The following ADCY10 variants were observed in gnomAD, a reference collection of about 807,000 sequenced individuals.
ADCY10 encodes adenylate cyclase type 10.
In ADCY10, 156 loss-of-function variants were observed where a neutral mutation model predicts 183.3. The observed-to-expected ratio is 0.85, with a 90% CI of 0.75 to 0.97. The LOEUF (loss-of-function observed/expected upper bound fraction) is 0.97, where lower values mean the gene tolerates loss of function less well. Among genes scored for constraint, ADCY10 ranks in the 50% least tolerant of loss-of-function variants. ADCY10 has a pLI of 0.00. For synonymous variants in ADCY10, 645 were observed against 670.0 expected (o/e 0.96, Z 0.58); for missense variants, 1,745 against 1,934.3 (o/e 0.90, Z 1.84).
intron 11 of ADCY10, among the ~76,000 whole-genome samples, 186 bp from the exon 12 acceptor site, chr1:167,878,821 A>T (rs1362596240): frequency 6.6e-6 from 1 of 152,234 alleles, no homozygotes; most frequent in African/African-American, 2.4e-5. Context: ...GCAGGGAGTT[A>T]GTTAGCCATT....
chr1:167,841,482 C>T (rs181723186), intron 21 of ADCY10, among the ~76,000 whole-genome samples: 14 of 139,510 alleles, frequency 1.0e-4, no homozygotes, highest in Admixed American at 6.5e-4. Flanking sequence ...TGGGATTTAT[C>T]GCTTATACTA....
Position 167,872,140 on chromosome 1 carries a change from G to A in ADCY10, c.1463-1730C>T, listed in dbSNP as rs181429276. Reference sequence around the variant, plus strand: ...GTGGATCCCCTGAGGTCAGGAGTTCGAGACCAGCCTCAACATGGAGAAACC... The same window carrying A: ...GTGGATCCCCTGAGGTCAGGAGTTCAAGACCAGCCTCAACATGGAGAAACC... On this transcript the variant is annotated intron_variant, in intron 13 of 32. Transcript: ENST00000367851. 7.5e-4 allele frequency among the ~76,000 whole-genome samples: 114 copies of A among 152,194 alleles called. 1 individual carries two copies. In the East Asian group the frequency reaches 0.02, roughly 27 times the overall value.
At chr1:167,850,491 A>G (rs1163854736) in intron 18 of ADCY10, among the ~76,000 whole-genome samples, 2 of 152,098 alleles carry the variant, frequency 1.3e-5, no homozygotes, top group African/African-American at 4.8e-5. Context: ...GTTGTTTCCA[A>G]TTCTGGCAAG....
chr1:167,859,768 T>C (rs938493614), intron 16 of ADCY10, 39 bp downstream of exon 16: 1 of 1,506,148 alleles, frequency 6.6e-7, no homozygotes. Flanking sequence ...ATTTGCCCAG[T>C]TTTCTTCCCC....
chr1:167,888,706 C>T (rs890362461), intron 8 of ADCY10, among the ~76,000 whole-genome samples: 1 of 151,822 alleles, frequency 6.6e-6, no homozygotes, highest in Admixed American at 6.6e-5. Context: ...GAAACCTCGT[C>T]TCTATTAAAA....
intron 8 of ADCY10, 110 bp downstream of exon 8, chr1:167,893,743 A>C: frequency 1.6e-6 from 1 of 642,950 alleles, no homozygotes; most frequent in Non-Finnish European, 2.8e-6. Context: ...TTTTAATGGA[A>C]CATTTTACTA....
At position 167,902,059 on chromosome 1, in the gene ADCY10, G is replaced by GAAA; in HGVS notation, c.254-8_254-6dup. On this transcript the variant is annotated splice_polypyrimidine_tract_variant and splice_region_variant and intron_variant, in intron 3 of 32. Coordinates refer to ENST00000367851, the MANE Select transcript of ADCY10 (RefSeq NM_018417.6). ...CTCCTCCAAAAATCAACACTTCTGA[G>GAAA]AAAAAAAAAAAAAATTAAATCAAAC... The GAAA allele has an allele frequency of 7.3e-6, 10 of 1,363,744 alleles. No individual in the cohort carries two copies. Among genetic ancestry groups the GAAA allele is most frequent in the African/African-American group, 1.5e-5 (1 of 67,666 alleles). The allele number at this position is 1,363,744 out of a possible 1,614,324, so 84.5% of individuals were successfully genotyped here. A position where few individuals can be genotyped will look rare whatever the true frequency, so the allele number is the denominator to read the frequency against.
At chr1:167,833,516 C>T (rs1030247814) in intron 24 of ADCY10, among the ~76,000 whole-genome samples, 6 of 152,036 alleles carry the variant, frequency 3.9e-5, no homozygotes, top group East Asian at 1.9e-4. Context: ...GAGGTCAGGG[C>T]GGGCGGATCA....
At chr1:167,820,381 G>T (rs952080163) in intron 30 of ADCY10, 12 of 570,362 alleles carry the variant, frequency 2.1e-5, no homozygotes, top group African/African-American at 1.6e-4. Flanking sequence ...CGCCTAGCCC[G>T]CCTGGCTCAG....
chr1:167,884,593 T>G (rs964871858), intron 8 of ADCY10, among the ~76,000 whole-genome samples: 1 of 152,116 alleles, frequency 6.6e-6, no homozygotes, highest in Non-Finnish European at 1.5e-5. Context: ...TCTTTTTTTG[T>G]ACTCATTGAC....
intron 6 of ADCY10, among the ~76,000 whole-genome samples, chr1:167,897,303 A>G (rs1387630964): frequency 6.7e-6 from 1 of 149,964 alleles, no homozygotes; most frequent in African/African-American, 2.5e-5. Context: ...CTGGGTAACA[A>G]TGGTGAAATC....
At chr1:167,899,724 T>A in intron 5 of ADCY10, 96 bp from the exon 6 acceptor site, 1 of 1,186,320 alleles carries the variant, frequency 8.4e-7, no homozygotes, top group Non-Finnish European at 1.2e-6. Flanking sequence ...GGTGGGACTA[T>A]ACTATCTCAG....
At chr1:167,885,527 T>C (rs1668159148) in intron 8 of ADCY10, among the ~76,000 whole-genome samples, 1 of 152,366 alleles carries the variant, frequency 6.6e-6, no homozygotes, top group East Asian at 1.9e-4. Context: ...TGATTTTCAT[T>C]TATCTGATGA....
At chr1:167,813,245 G>T (rs1189578078) in intron 31 of ADCY10, among the ~76,000 whole-genome samples, 1 of 152,014 alleles carries the variant, frequency 6.6e-6, no homozygotes, top group African/African-American at 2.4e-5. Flanking sequence ...AAACTTGAAA[G>T]CAGTGAGAGA....
chr1:167,850,694 T>G (rs1665410490), intron 18 of ADCY10, among the ~76,000 whole-genome samples: 1 of 141,408 alleles, frequency 7.1e-6, no homozygotes, highest in East Asian at 2.1e-4. Flanking sequence ...TGTGTGTGTG[T>G]GTGTGTGTGT....
chr1:167,884,900 G>A (rs1668121768), intron 8 of ADCY10, among the ~76,000 whole-genome samples: 1 of 152,024 alleles, frequency 6.6e-6, no homozygotes, highest in Non-Finnish European at 1.5e-5. Context: ...GTTTCACTGT[G>A]TTAGTCAGAC....
chr1:167,875,654 TAAG>T (rs994629333), intron 12 of ADCY10, among the ~76,000 whole-genome samples: 46 of 152,294 alleles, frequency 3.0e-4, no homozygotes, highest in African/African-American at 1.1e-3. Context: ...AAAACACTGT[TAAG>T]AAGTACTACT....
chr1:167,887,200 G>A (rs1668287384), intron 8 of ADCY10, among the ~76,000 whole-genome samples: 1 of 152,130 alleles, frequency 6.6e-6, no homozygotes, highest in African/African-American at 2.4e-5. Context: ...TACTGGGTAT[G>A]TACCCAAAGG....
chr1:167,810,322 T>C (rs1321051993), intron 32 of ADCY10, among the ~76,000 whole-genome samples: 2 of 152,338 alleles, frequency 1.3e-5, no homozygotes, highest in Non-Finnish European at 2.9e-5. Context: ...ACTGCTATGG[T>C]CTGAATGTTG....
Sources: allele counts gnomAD v4.1 joint callset (sites outside exome capture counted in the v4.1 genomes callset), GRCh38; gene constraint gnomAD v4.1.1; transcripts MANE v1.5; gene names NCBI Gene and HGNC (gene_info 2026-07-23, HGNC 2026-07-21).